Variants in DNAI1 observed in about 807,000 individuals in gnomAD.
The protein encoded by DNAI1 is dynein, axonemal, intermediate polypeptide 1.
In DNAI1, 67 loss-of-function variants were observed where a neutral mutation model predicts 92.0. The observed-to-expected ratio is 0.73, with a 90% confidence interval of 0.60 to 0.89. The LOEUF (loss-of-function observed/expected upper bound fraction) is 0.89. Ranked by LOEUF, DNAI1 falls within the 40% of genes least tolerant of loss-of-function variation. The pLI, the probability that DNAI1 is intolerant of heterozygous loss-of-function variation, is 0.00. For synonymous variants in DNAI1, 323 were observed against 319.6 expected (o/e 1.01, Z -0.11); for missense variants, 839 against 866.6 (o/e 0.97, Z 0.40).
chr9:34,501,293 G>A, intron 12 of DNAI1, 112 bp downstream of exon 12: 1 of 915,958 alleles, frequency 1.1e-6, no homozygotes, highest in African/African-American at 1.6e-5. Flanking sequence ...ACTGCCCGCA[G>A]GGGGCTCACA....
chr9:34,515,666 C>T (rs543715761), intron 18 of DNAI1, among the ~76,000 whole-genome samples: 2 of 152,294 alleles, frequency 1.3e-5, no homozygotes, highest in African/African-American at 4.8e-5. Context: ...GAATGATGTG[C>T]TGATACATGC....
Position 34,490,061 on chromosome 9 carries a change from A to G in DNAI1, c.438A>G (p.Glu146=), listed in dbSNP as rs1490899457. 1 of 1,614,094 alleles carries G rather than the reference A, an allele frequency of 6.2e-7. No homozygotes were observed. Among genetic ancestry groups the G allele is most frequent in the Non-Finnish European group, 8.5e-7 (1 of 1,180,040 alleles). Residue 146 remains glutamate (E), a synonymous_variant, in exon 6 of 20, where the codon GAA becomes GAG. Coordinates refer to ENST00000242317, the MANE Select transcript of DNAI1 (RefSeq NM_012144.4). ...TTTCAGAAACAGGAAACCTCGAAGAAGACGAAGAGCCCAAGGAGTTAGAAA... is the reference window on the plus strand; with the variant it reads ...TTTCAGAAACAGGAAACCTCGAAGAGGACGAAGAGCCCAAGGAGTTAGAAA... ...KVISETGNLE[E]DEEPKELETE...
chr9:34,513,024 TG>T, intron 15 of DNAI1, 87 bp from the exon 16 acceptor site: 2 of 1,065,818 alleles, frequency 1.9e-6, no homozygotes, highest in Non-Finnish European at 2.9e-6. Context: ...TGAGAGTGCC[TG>T]GGCTGAGCTC....
chr9:34,495,486 G>A (rs1824703395), intron 9 of DNAI1, among the ~76,000 whole-genome samples: 1 of 152,200 alleles, frequency 6.6e-6, no homozygotes, highest in Non-Finnish European at 1.5e-5. Context: ...TACTTTGCAA[G>A]ATTTTCATGA....
intron 12 of DNAI1, among the ~76,000 whole-genome samples, chr9:34,503,992 A>G (rs1347695256): frequency 6.6e-6 from 1 of 152,228 alleles, no homozygotes; most frequent in Admixed American, 6.5e-5. Flanking sequence ...TAGCCAATTC[A>G]TAGCAGGGAA....
rs747883349 is a variant in DNAI1 at position 34,506,668 on chromosome 9, A to G, written c.1105A>G (p.Ser369Gly). The change falls in exon 13 of 20, where the codon AGC becomes GGC. Residue 369 changes from serine (S) to glycine (G), a missense_variant. Coordinates refer to ENST00000242317, the MANE Select transcript of DNAI1 (RefSeq NM_012144.4). ...GAGCCGGGGCATGCTGCTGCTCTAC[A>G]GCCTGAAGAACCCCAGCTTCCCTGA... ...KQSRGMLLLY[S>G]LKNPSFPEYM... 1 of 1,614,210 alleles carries G rather than the reference A, an allele frequency of 6.2e-7. No homozygotes were observed. Among genetic ancestry groups the G allele is most frequent in the East Asian group, 2.2e-5 (1 of 44,882 alleles).
Position 34,512,310 on chromosome 9 carries a change from C to G in DNAI1, c.1402-27C>G, listed in dbSNP as rs183882473. 236 of 1,612,616 alleles carry G rather than the reference C, an allele frequency of 1.5e-4. 1 individual carries two copies. The East Asian group carries it at 2.2e-3, about 15-fold the overall frequency. On this transcript the variant is annotated intron_variant, in intron 14 of 19. Transcript: ENST00000242317. The stretch of plus-strand genomic sequence containing the variant: ...CTAGCCCAACCCACGTGCCCTCCCC[C>G]CCACATCCCTCTGTCTGTGGCTACA...
intron 19 of DNAI1, among the ~76,000 whole-genome samples, chr9:34,519,059 G>A (rs909564890): frequency 2.6e-5 from 4 of 152,198 alleles, no homozygotes; most frequent in Admixed American, 6.5e-5. Context: ...GGGGACCTAC[G>A]TCTCTGAGGA....
intron 1 of DNAI1, among the ~76,000 whole-genome samples, chr9:34,459,695 C>T (rs953551131): frequency 2.6e-5 from 4 of 152,242 alleles, no homozygotes; most frequent in Non-Finnish European, 5.9e-5. Flanking sequence ...ATCCTCCTAC[C>T]TTGACCTTCC....
intron 16 of DNAI1, among the ~76,000 whole-genome samples, chr9:34,514,098 G>A (rs1485589073): frequency 6.6e-6 from 1 of 152,174 alleles, no homozygotes; most frequent in Non-Finnish European, 1.5e-5. Flanking sequence ...CTCTCTTAAG[G>A]AGAGAAGGCT....
intron 5 of DNAI1, 54 bp from the exon 6 acceptor site, chr9:34,489,958 A>G: frequency 2.5e-6 from 4 of 1,602,468 alleles, no homozygotes; most frequent in Non-Finnish European, 3.4e-6. Context: ...CCTCCCTGCC[A>G]CAGATTGGGA....
chr9:34,500,037 T>A (rs1824797282), intron 10 of DNAI1, among the ~76,000 whole-genome samples: 1 of 152,132 alleles, frequency 6.6e-6, no homozygotes, highest in Admixed American at 6.5e-5. Flanking sequence ...GGGCAGGGGC[T>A]ATGGGTTTGG....
intron 4 of DNAI1, among the ~76,000 whole-genome samples, chr9:34,486,033 A>T (rs1384294630): frequency 3.3e-5 from 5 of 152,082 alleles, no homozygotes; most frequent in Non-Finnish European, 7.4e-5. Context: ...TTTAGTACAC[A>T]TGGCGTGGGT....
intron 1 of DNAI1, among the ~76,000 whole-genome samples, chr9:34,483,212 A>G (rs1405621774): frequency 6.6e-6 from 1 of 152,188 alleles, no homozygotes; most frequent in Non-Finnish European, 1.5e-5. Flanking sequence ...TGGCCAGCCC[A>G]GAAAGGGGCT....
At chr9:34,478,881 A>G (rs1344734550) in intron 1 of DNAI1, 1 of 152,266 alleles carries the variant, frequency 6.6e-6, no homozygotes, top group East Asian at 1.9e-4. Context: ...GACCAGACCC[A>G]GAGACTAACA....
intron 1 of DNAI1, among the ~76,000 whole-genome samples, chr9:34,459,326 T>C (rs1164272717): frequency 6.6e-6 from 1 of 152,172 alleles, no homozygotes; most frequent in Non-Finnish European, 1.5e-5. Flanking sequence ...CTTTACCCCA[T>C]GGACTCATTC....
intron 1 of DNAI1, among the ~76,000 whole-genome samples, chr9:34,481,649 G>A (rs1347659024): frequency 1.3e-5 from 2 of 152,166 alleles, no homozygotes; most frequent in Admixed American, 6.5e-5. Flanking sequence ...CTTCCTTCTG[G>A]TGGGTTCGTG....
chr9:34,477,220 C>T (rs1445380111), intron 1 of DNAI1, among the ~76,000 whole-genome samples: 16 of 152,000 alleles, frequency 1.1e-4, no homozygotes, highest in Admixed American at 5.9e-4. Context: ...GGTGTGGCTT[C>T]GTTGCCCAGG....
At position 34,490,119 on chromosome 9, in the gene DNAI1, G is replaced by C. The variant is rs1824556669; in HGVS notation, c.496G>C (p.Ala166Pro). The change falls in exon 6 of 20, where the codon GCT becomes CCT. Residue 166 changes from alanine (A) to proline (P), a missense_variant. Transcript: ENST00000242317. ...EPGSQTDVPA[A>P]GAAEKVTEEE... ...TGGGAGTCAAACAGATGTGCCTGCA[G>C]CTGGGGTACAGTATAATATCGCTCT... 26 of 1,614,026 alleles carry C rather than the reference G, an allele frequency of 1.6e-5. No individual in the cohort carries two copies. Among genetic ancestry groups the C allele is most frequent in the Non-Finnish European group, 2.1e-5 (25 of 1,179,988 alleles).
Sources: gnomAD v4.1 joint callset for allele counts (sites outside exome capture counted in the v4.1 genomes callset) on GRCh38, gnomAD v4.1.1 for gene constraint, MANE v1.5 for transcripts, NCBI Gene and HGNC (gene_info 2026-07-23, HGNC 2026-07-21) for gene names.